ST6GALNAC3: variants seen among roughly 807,000 people sequenced by gnomAD.
ST6GALNAC3 encodes alpha-N-acetylgalactosaminide alpha-2,6-sialyltransferase 3.
A neutral mutation model predicts 32.7 loss-of-function variants in ST6GALNAC3; 25 were observed. That is an observed-to-expected ratio of 0.76 (90% CI 0.56 to 1.07). The LOEUF (loss-of-function observed/expected upper bound fraction) is 1.07. Ranked by LOEUF, ST6GALNAC3 falls within the 50% of genes least tolerant of loss-of-function variation. The pLI, the probability that ST6GALNAC3 is intolerant of heterozygous loss-of-function variation, is 0.00. For missense variants in ST6GALNAC3, 355 were observed against 382.4 expected (o/e 0.93, Z 0.60); for synonymous variants, 129 against 133.1 (o/e 0.97, Z 0.21).
chr1:76,393,000 C>T (rs1021792842), intron 2 of ST6GALNAC3, among the ~76,000 whole-genome samples: 1 of 152,108 alleles, frequency 6.6e-6, no homozygotes, highest in East Asian at 1.9e-4. Context: ...CCTTTGCATG[C>T]ATTATACACT....
At chr1:76,251,647 G>C (rs2100698513) in intron 1 of ST6GALNAC3, among the ~76,000 whole-genome samples, 1 of 152,212 alleles carries the variant, frequency 6.6e-6, no homozygotes, top group South Asian at 2.1e-4. Flanking sequence ...AGTCTTCCTT[G>C]AGATCCACGG....
intron 3 of ST6GALNAC3, among the ~76,000 whole-genome samples, chr1:76,582,854 A>G (rs1396709925): frequency 6.6e-6 from 1 of 151,756 alleles, no homozygotes; most frequent in Non-Finnish European, 1.5e-5. Context: ...ACTCTTTCCT[A>G]TTTCTCTCAT....
At chr1:76,420,017 C>T (rs1025286354) in intron 3 of ST6GALNAC3, among the ~76,000 whole-genome samples, 12 of 151,214 alleles carry the variant, frequency 7.9e-5, no homozygotes, top group African/African-American at 2.7e-4. Context: ...AAAAGCTCCC[C>T]GTGCAGAGAC....
chr1:76,378,670 A>G (rs202231281), intron 2 of ST6GALNAC3, among the ~76,000 whole-genome samples: 1 of 71,124 alleles, frequency 1.4e-5, no homozygotes, highest in Non-Finnish European at 2.5e-5. Context: ...CCCCCCCCCA[A>G]AAAAAAAAAT....
intron 1 of ST6GALNAC3, among the ~76,000 whole-genome samples, chr1:76,142,502 C>G (rs1650393394): frequency 1.3e-5 from 2 of 152,166 alleles, no homozygotes; most frequent in Non-Finnish European, 2.9e-5. Flanking sequence ...GCCTCCTTTT[C>G]ATGATAGGTG....
intron 2 of ST6GALNAC3, among the ~76,000 whole-genome samples, chr1:76,389,923 T>C (rs1326199352): frequency 2.0e-5 from 3 of 152,202 alleles, no homozygotes; most frequent in Admixed American, 6.5e-5. Flanking sequence ...ACTAAGAATA[T>C]GTATGACTTA....
At chr1:76,165,087 G>A (rs1425312252) in intron 1 of ST6GALNAC3, among the ~76,000 whole-genome samples, 1 of 152,026 alleles carries the variant, frequency 6.6e-6, no homozygotes, top group Non-Finnish European at 1.5e-5. Context: ...TGTGTCATGG[G>A]GTTTGTTGTA....
At chr1:76,444,147 C>G (rs1204202705) in intron 3 of ST6GALNAC3, among the ~76,000 whole-genome samples, 1 of 152,208 alleles carries the variant, frequency 6.6e-6, no homozygotes, top group Non-Finnish European at 1.5e-5. Context: ...TTTCTCCTCT[C>G]CCAGTGAGAA....
intron 1 of ST6GALNAC3, among the ~76,000 whole-genome samples, chr1:76,282,358 A>T (rs17098543): frequency 0.042 from 6,462 of 152,202 alleles, 446 homozygotes; most frequent in African/African-American, 0.15. Context: ...TACACATTAC[A>T]AATGCAATTA....
intron 1 of ST6GALNAC3, among the ~76,000 whole-genome samples, chr1:76,137,000 T>C (rs1196368921): frequency 6.6e-6 from 1 of 152,208 alleles, no homozygotes; most frequent in Non-Finnish European, 1.5e-5. Context: ...GTCTCAGTCT[T>C]TAAATAAGAA....
At chr1:76,531,885 G>A (rs1299553663) in intron 3 of ST6GALNAC3, among the ~76,000 whole-genome samples, 1 of 152,148 alleles carries the variant, frequency 6.6e-6, no homozygotes, top group Admixed American at 6.5e-5. Flanking sequence ...CGCTCCCTAG[G>A]TGTGTCAGAG....
chr1:76,310,937 G>C (rs1027246247), intron 1 of ST6GALNAC3, among the ~76,000 whole-genome samples: 2 of 152,064 alleles, frequency 1.3e-5, no homozygotes, highest in African/African-American at 4.8e-5. Context: ...TCTTATGTCA[G>C]TTCCTGCTCT....
intron 3 of ST6GALNAC3, among the ~76,000 whole-genome samples, chr1:76,470,776 A>T (rs758811685): frequency 1.8e-4 from 28 of 152,078 alleles, no homozygotes; most frequent in Admixed American, 5.9e-4. Flanking sequence ...CCTGGGTCAC[A>T]GTTCTCTACT....
intron 1 of ST6GALNAC3, among the ~76,000 whole-genome samples, chr1:76,268,974 C>A (rs1342794847): frequency 6.6e-6 from 1 of 152,192 alleles, no homozygotes; most frequent in East Asian, 1.9e-4. Flanking sequence ...CTTGTCTTAC[C>A]CTTTTTTTCA....
chr1:76,118,463 C>A (rs747191538), intron 1 of ST6GALNAC3, among the ~76,000 whole-genome samples: 5 of 152,114 alleles, frequency 3.3e-5, no homozygotes, highest in Non-Finnish European at 5.9e-5. Context: ...ATAAACTGAC[C>A]TTCTCATTTT....
intron 1 of ST6GALNAC3, among the ~76,000 whole-genome samples, chr1:76,080,280 A>G (rs1335740): frequency 0.15 from 22,816 of 151,304 alleles, 2,145 homozygotes; most frequent in Middle Eastern, 0.33. Flanking sequence ...TGCTGAATGT[A>G]TCAGTGGTGT....
chr1:76,563,785 G>A (rs1384383614), intron 3 of ST6GALNAC3, among the ~76,000 whole-genome samples: 2 of 152,134 alleles, frequency 1.3e-5, no homozygotes, highest in African/African-American at 4.8e-5. Context: ...ATCAAGTAAA[G>A]CCCATAGAAT....
intron 1 of ST6GALNAC3, among the ~76,000 whole-genome samples, chr1:76,102,445 A>G (rs1031662957): frequency 2.0e-5 from 3 of 152,014 alleles, no homozygotes; most frequent in African/African-American, 7.2e-5. Context: ...TTAATTTGCT[A>G]TCTTTCTTTT....
chr1:76,554,133 A>G (rs1172112982), intron 3 of ST6GALNAC3, among the ~76,000 whole-genome samples: 2 of 152,198 alleles, frequency 1.3e-5, no homozygotes, highest in Non-Finnish European at 2.9e-5. Flanking sequence ...GAACATAGGG[A>G]GAAAGATACG....
Sources: allele counts gnomAD v4.1 joint callset (sites outside exome capture counted in the v4.1 genomes callset), GRCh38; gene constraint gnomAD v4.1.1; transcripts MANE v1.5; gene names NCBI Gene and HGNC (gene_info 2026-07-23, HGNC 2026-07-21).